The following ITPR1 variants were observed in gnomAD, a reference collection of about 807,000 sequenced individuals.
The protein encoded by ITPR1 is inositol 1,4,5-trisphosphate receptor type 1.
Under a neutral mutation model 318.4 loss-of-function variants are expected in ITPR1, and 96 were observed. That is an observed-to-expected ratio of 0.30 (90% CI 0.26 to 0.36). ITPR1 has a LOEUF of 0.36. ITPR1 is among the 10% of genes least tolerant of loss of function. The probability of loss-of-function intolerance (pLI) is 1.00; values close to 1 mark genes in which losing one functional copy is unlikely to be tolerated. For missense variants in ITPR1, 2,440 were observed against 3,460.2 expected (o/e 0.71, Z 7.40); for synonymous variants, 1,312 against 1,289.9 (o/e 1.02, Z -0.37).
chr3:4,551,454 G>T (rs1157001230), intron 4 of ITPR1, among the ~76,000 whole-genome samples: 1 of 152,202 alleles, frequency 6.6e-6, no homozygotes, highest in African/African-American at 2.4e-5. Context: ...TATGAGAACA[G>T]ATCTTTCTAA....
chr3:4,500,155 C>T (rs960511626), intron 2 of ITPR1, among the ~76,000 whole-genome samples: 2 of 152,190 alleles, frequency 1.3e-5, no homozygotes, highest in South Asian at 2.1e-4. Context: ...GACCAAGAAT[C>T]GGCCTTTTCT....
chr3:4,652,531 C>G (rs761376547), intron 11 of ITPR1, among the ~76,000 whole-genome samples: 1 of 152,080 alleles, frequency 6.6e-6, no homozygotes, highest in Admixed American at 6.6e-5. Flanking sequence ...GTCTTGTCTA[C>G]CAGCCCCACA....
chr3:4,834,636 C>G (rs1214721542), intron 60 of ITPR1, among the ~76,000 whole-genome samples: 1 of 152,148 alleles, frequency 6.6e-6, no homozygotes, highest in Non-Finnish European at 1.5e-5. Flanking sequence ...AGTCCTTGAA[C>G]ATGGGCTACT....
chr3:4,499,331 G>A (rs2080843944), intron 2 of ITPR1, among the ~76,000 whole-genome samples: 1 of 152,004 alleles, frequency 6.6e-6, no homozygotes, highest in South Asian at 2.1e-4. Flanking sequence ...CATAAAAAGG[G>A]ACTAACACAG....
chr3:4,587,610 A>G (rs1385679091), intron 4 of ITPR1, among the ~76,000 whole-genome samples: 2 of 152,100 alleles, frequency 1.3e-5, no homozygotes, highest in East Asian at 1.9e-4. Flanking sequence ...TGGACTGTGC[A>G]TTTTGACTGT....
Position 4,693,694 on chromosome 3 carries a change from C to T in ITPR1, c.4234C>T (p.Leu1412=), listed in dbSNP as rs1253193751. 5 of 1,613,928 alleles carry T rather than the reference C, an allele frequency of 3.1e-6. No homozygotes were observed. The Admixed American group carries it at 6.7e-5, about 22-fold the overall frequency. ...GATCAAGTGCAACTCCCTGCTCCCG[C>T]TGGATGACATCGTTCGCGTGGTGAC... ...TEIKCNSLLP[L]DDIVRVVTHE... is the part of the protein sequence containing the mutation. The change falls in exon 33 of 62, where the codon CTG becomes TTG. Residue 1412 remains leucine, a synonymous_variant. Transcript: ENST00000649015.
intron 44 of ITPR1, among the ~76,000 whole-genome samples, chr3:4,746,431 G>T (rs940838291): frequency 6.6e-6 from 1 of 152,220 alleles, no homozygotes; most frequent in African/African-American, 2.4e-5. Context: ...GCGGGGCCAT[G>T]AACTCAGATG....
At chr3:4,785,205 T>C (rs756689561) in intron 51 of ITPR1, among the ~76,000 whole-genome samples, 12 of 152,208 alleles carry the variant, frequency 7.9e-5, no homozygotes, top group Non-Finnish European at 1.6e-4. Context: ...TCAGAGAGAC[T>C]GTGTCACTTT....
rs534196032 is a variant in ITPR1, at chr3:4,559,594, A to G, written c.163+38500A>G. Among the ~76,000 whole-genome samples, 17 of 152,338 alleles carry G rather than the reference A, an allele frequency of 1.1e-4. No homozygotes were observed. In the South Asian group the frequency reaches 3.5e-3, roughly 32 times the overall value. ...ATTATTCTCCAGTATTTTTTAGTCT[A>G]ATCAGAGAGGGCAGTTTGTGGACAT... is the stretch of plus-strand genomic sequence containing the variant. On this transcript the variant is annotated intron_variant, in intron 4 of 61. Coordinates refer to ENST00000649015, the MANE Select transcript of ITPR1 (RefSeq NM_001378452.1).
chr3:4,594,575 C>T (rs1485090641), intron 4 of ITPR1, among the ~76,000 whole-genome samples: 2 of 152,132 alleles, frequency 1.3e-5, no homozygotes, highest in African/African-American at 2.4e-5. Flanking sequence ...GTCTCTTTAT[C>T]GTAAGATGGC....
At chr3:4,803,284 G>A (rs73098045) in intron 54 of ITPR1, among the ~76,000 whole-genome samples, 3 of 152,250 alleles carry the variant, frequency 2.0e-5, no homozygotes, top group African/African-American at 7.2e-5. Context: ...GATTTGGGGG[G>A]GACACAGAAC....
intron 54 of ITPR1, 34 bp from the exon 55 acceptor site, chr3:4,806,069 C>A: frequency 1.3e-6 from 2 of 1,576,156 alleles, no homozygotes; most frequent in Non-Finnish European, 1.7e-6. Flanking sequence ...TGGCACAGTC[C>A]GTGCCATCTG....
intron 37 of ITPR1, among the ~76,000 whole-genome samples, chr3:4,707,234 T>A (rs2094777761): frequency 6.6e-6 from 1 of 152,230 alleles, no homozygotes; most frequent in South Asian, 2.1e-4. Context: ...ATTACCTTAT[T>A]CTCTTTTGCT....
chr3:4,662,126 A>T lies in ITPR1; in HGVS notation c.1296A>T (p.Ile432=). The part of the protein sequence containing the change: ...PVKEDKEAFA[I]VPVSPAEVRD... ...AGGAGGATAAGGAAGCATTTGCCAT[A>T]GTTCCGGTTTCTCCTGCTGAAGTTC... The change falls in exon 15 of 62, where the codon ATA becomes ATT. Residue 432 remains isoleucine, a synonymous_variant. Coordinates refer to ENST00000649015, the MANE Select transcript of ITPR1 (RefSeq NM_001378452.1). The T allele has an allele frequency of 6.2e-7, 1 of 1,613,814 alleles. No individual in the cohort carries two copies. The highest frequency in any genetic ancestry group is 1.1e-5 in the South Asian group (1 of 91,058).
At chr3:4,585,844 C>T (rs1180548349) in intron 4 of ITPR1, among the ~76,000 whole-genome samples, 1 of 152,018 alleles carries the variant, frequency 6.6e-6, no homozygotes, top group Non-Finnish European at 1.5e-5. Context: ...TAGGTATTCA[C>T]GTGCCATGGT....
chr3:4,534,246 T>A (rs375874103), intron 4 of ITPR1, among the ~76,000 whole-genome samples: 19 of 152,350 alleles, frequency 1.2e-4, no homozygotes, highest in African/African-American at 4.6e-4. Flanking sequence ...TGGGTAATTT[T>A]TCAACCCGTA....
intron 1 of ITPR1, among the ~76,000 whole-genome samples, chr3:4,494,066 G>A (rs551166778): frequency 6.6e-6 from 1 of 152,324 alleles, no homozygotes; most frequent in South Asian, 2.1e-4. Flanking sequence ...GAGAAGCGGT[G>A]AGGGATGAAG....
intron 60 of ITPR1, among the ~76,000 whole-genome samples, chr3:4,828,086 G>A (rs1050048912): frequency 7.2e-5 from 11 of 152,172 alleles, no homozygotes; most frequent in Admixed American, 1.3e-4. Context: ...ATGGAACGTG[G>A]TTGCGTTGAA....
chr3:4,568,133 G>A (rs541838784), intron 4 of ITPR1, among the ~76,000 whole-genome samples: 1 of 152,100 alleles, frequency 6.6e-6, no homozygotes. Context: ...TACATAGTTG[G>A]GCCCTGGAGG....
Sources: gnomAD v4.1 joint callset for allele counts (sites outside exome capture counted in the v4.1 genomes callset) on GRCh38, gnomAD v4.1.1 for gene constraint, MANE v1.5 for transcripts, NCBI Gene and HGNC (gene_info 2026-07-23, HGNC 2026-07-21) for gene names.